OPA3: variants seen among roughly 807,000 people sequenced by gnomAD.
OPA3 encodes optic atrophy 3 protein.
In OPA3, 6 loss-of-function variants were observed where a neutral mutation model predicts 4.0. The ratio of observed to expected loss-of-function variants is 1.51; its 90% CI spans 0.83 to 2.99. The LOEUF (loss-of-function observed/expected upper bound fraction) is 2.99. Among genes scored for constraint, OPA3 ranks in the 30% most tolerant of loss-of-function variants. The pLI, the probability that OPA3 is intolerant of heterozygous loss-of-function variation, is 0.00. For synonymous variants in OPA3, 105 were observed against 117.1 expected, an observed-to-expected ratio of 0.90 and a Z score of 0.67; for missense variants, 235 against 256.2, an observed-to-expected ratio of 0.92 and a Z score of 0.56.
rs555830952 is a variant in OPA3, at chr19:45,549,759, C to A, written c.*3755G>T. 1 of 985,374 alleles carries A rather than the reference C, an allele frequency of 1.0e-6. No individual in the cohort carries two copies. The highest frequency in any genetic ancestry group is 5.2e-4 in the Middle Eastern group (1 of 1,918). The allele number at this position is 985,374 out of a possible 1,614,324, so 61.0% of individuals were successfully genotyped here. Reference sequence around the variant, plus strand: ...CCTCTCAAAGTGCTGGGATGACAGGCGTGAGCTGGCCTGGGTCACTCCCAG... The same window carrying A: ...CCTCTCAAAGTGCTGGGATGACAGGAGTGAGCTGGCCTGGGTCACTCCCAG... On this transcript the variant is annotated 3_prime_UTR_variant, in exon 2 of 2. Transcript: ENST00000263275.
intron 1 of OPA3, among the ~76,000 whole-genome samples, chr19:45,580,363 G>A (rs1363683582): frequency 6.9e-6 from 1 of 145,810 alleles, no homozygotes; most frequent in Non-Finnish European, 1.5e-5. Context: ...GCGTGATCTC[G>A]GCTCACTGCA....
chr19:45,563,771 G>T (rs1238227824), intron 1 of OPA3, among the ~76,000 whole-genome samples: 2 of 151,274 alleles, frequency 1.3e-5, no homozygotes, highest in Non-Finnish European at 2.9e-5. Context: ...GGCCAGGCTG[G>T]TCTCAAACTT....
At chr19:45,584,001 G>A (rs1366700654) in intron 1 of OPA3, among the ~76,000 whole-genome samples, 1 of 152,180 alleles carries the variant, frequency 6.6e-6, no homozygotes, top group Non-Finnish European at 1.5e-5. Context: ...ATGAAAGGAC[G>A]GCGTATGAGC....
chr19:45,575,560 C>T (rs781155784), intron 1 of OPA3, among the ~76,000 whole-genome samples: 8 of 152,114 alleles, frequency 5.3e-5, no homozygotes, highest in Non-Finnish European at 1.2e-4. Context: ...CTGTTTCCCA[C>T]GGCCACTATA....
At chr19:45,572,772 TATATCATACTATATATAGATATA>T (rs1969704049) in intron 1 of OPA3, among the ~76,000 whole-genome samples, 1 of 55,806 alleles carries the variant, frequency 1.8e-5, no homozygotes, top group East Asian at 3.1e-4. Flanking sequence ...TATATCTATA[TATATCATACTATATATAGATATA>T]TATATCATAC....
intron 1 of OPA3, among the ~76,000 whole-genome samples, chr19:45,537,396 C>CAAAAAAAAAAAAAAAAA (rs1181396046): frequency 1.0e-4 from 3 of 28,908 alleles, no homozygotes; most frequent in African/African-American, 1.6e-4. Flanking sequence ...GACTCTGTCT[C>CAAAAAAAAAAAAAAAAA]AAAAAAAAAA....
At chr19:45,533,755 TG>T (rs1396301767) in intron 1 of OPA3, among the ~76,000 whole-genome samples, 1 of 152,122 alleles carries the variant, frequency 6.6e-6, no homozygotes, top group Non-Finnish European at 1.5e-5. Flanking sequence ...TGGCCCTGGA[TG>T]GGCAGGGTCA....
chr19:45,548,361 G>C lies in OPA3; in HGVS notation c.*5153C>G. ...AGAGAAACCAACAAGAGGGACAGCA[G>C]GGCCTGCCAGGAGATGGGAGGGGCA... is the stretch of plus-strand genomic sequence containing the variant. On this transcript the variant is annotated 3_prime_UTR_variant, in exon 2 of 2. Transcript: ENST00000263275. The C allele has an allele frequency of 4.1e-6, 4 of 985,596 alleles. No homozygotes were observed. The highest frequency in any genetic ancestry group is 4.8e-6 in the Non-Finnish European group (4 of 830,036). The allele number at this position is 985,596 out of a possible 1,614,324, so 61.1% of individuals were successfully genotyped here.
chr19:45,546,462 T>C lies in OPA3; in HGVS notation c.*7052A>G, dbSNP rs961540237. On this transcript the variant is annotated 3_prime_UTR_variant, in exon 2 of 2. Coordinates refer to ENST00000263275, the MANE Select transcript of OPA3 (RefSeq NM_025136.4). ...TAAAATACATAGAATTGTAAATTAT[T>C]GTATAAATATGCACACGATGGATTA... The C allele has an allele frequency of 6.4e-6, 4 of 624,112 alleles. No individual in the cohort carries two copies. Among genetic ancestry groups the C allele is most frequent in the African/African-American group, 5.9e-5 (3 of 50,450 alleles). The allele number at this position is 624,112 out of a possible 1,614,324, so 38.7% of individuals were successfully genotyped here.
chr19:45,541,966 C>T (rs772571980), downstream of OPA3, among the ~76,000 whole-genome samples: 10 of 152,176 alleles, frequency 6.6e-5, no homozygotes, highest in Non-Finnish European at 1.3e-4. Flanking sequence ...GGGTGGTACC[C>T]ATGGTGCTGA....
chr19:45,580,049 T>C (rs1237334946), intron 1 of OPA3, among the ~76,000 whole-genome samples: 1 of 148,580 alleles, frequency 6.7e-6, no homozygotes, highest in Non-Finnish European at 1.5e-5. Context: ...CAGGCTGGAG[T>C]GTAGTGGCAC....
At chr19:45,556,606 C>T (rs1402546570) in intron 1 of OPA3, among the ~76,000 whole-genome samples, 4 of 152,160 alleles carry the variant, frequency 2.6e-5, no homozygotes, top group Non-Finnish European at 5.9e-5. Context: ...AATCATCCTG[C>T]CTCAGCCTCC....
Position 45,549,739 on chromosome 19 carries a change from C to CA in OPA3, c.*3774dup. The CA allele has an allele frequency of 1.0e-6, 1 of 985,134 alleles. No individual in the cohort carries two copies. The highest frequency in any genetic ancestry group is 1.2e-6 in the Non-Finnish European group (1 of 829,744). The allele number at this position is 985,134 out of a possible 1,614,324, so 61.0% of individuals were successfully genotyped here. A position where few individuals can be genotyped will look rare whatever the true frequency, so the allele number is the denominator to read the frequency against. ...ATGTGATCAGTCCACCTTGGCCTCT[C>CA]AAAGTGCTGGGATGACAGGCGTGAG... On this transcript the variant is annotated 3_prime_UTR_variant, in exon 2 of 2. Coordinates refer to ENST00000263275, the MANE Select transcript of OPA3 (RefSeq NM_025136.4).
chr19:45,578,828 A>AAAAAT (rs535854097), intron 1 of OPA3, among the ~76,000 whole-genome samples: 20 of 152,002 alleles, frequency 1.3e-4, no homozygotes, highest in South Asian at 4.1e-4. Flanking sequence ...CTCTGTCTCA[A>AAAAAT]AAAATAAAAT....
chr19:45,572,317 T>C (rs1447181411), intron 1 of OPA3, among the ~76,000 whole-genome samples: 1 of 133,056 alleles, frequency 7.5e-6, no homozygotes, highest in Non-Finnish European at 1.6e-5. Flanking sequence ...TCGACATATA[T>C]GAGATATATA....
chr19:45,543,433 G>T (rs1382097767), downstream of OPA3, among the ~76,000 whole-genome samples: 2 of 151,590 alleles, frequency 1.3e-5, no homozygotes, highest in Non-Finnish European at 2.9e-5. Context: ...TGATTCTCCT[G>T]CCTCAGCCCC....
At position 45,549,235 on chromosome 19, in the gene OPA3, A is replaced by G; in HGVS notation, c.*4279T>C. On this transcript the variant is annotated 3_prime_UTR_variant, in exon 2 of 2. Transcript: ENST00000263275. ...ATTCTAGCTAGCAGAACACACGAGC[A>G]GTGAACCATCCTCTGGCCTCTTGCA... is the stretch of plus-strand genomic sequence containing the variant. 2 of 985,460 alleles carry G rather than the reference A, an allele frequency of 2.0e-6. No individual in the cohort carries two copies. Among genetic ancestry groups the G allele is most frequent in the South Asian group, 4.7e-5 (1 of 21,292 alleles). The allele number at this position is 985,460 out of a possible 1,614,324, so 61.0% of individuals were successfully genotyped here.
At chr19:45,534,560 C>CA (rs71173177) in intron 1 of OPA3, among the ~76,000 whole-genome samples, 627 of 54,946 alleles carry the variant, frequency 0.011, 9 homozygotes, top group African/African-American at 0.027. Flanking sequence ...AACTCTGTCC[C>CA]AAAAAAAAAA....
At chr19:45,581,818 T>C (rs1008835149) in intron 1 of OPA3, among the ~76,000 whole-genome samples, 2 of 152,278 alleles carry the variant, frequency 1.3e-5, no homozygotes, top group Admixed American at 6.5e-5. Flanking sequence ...TGTTTGAGAT[T>C]GAGACAGTCT....
Sources: gnomAD v4.1 joint callset for allele counts (sites outside exome capture counted in the v4.1 genomes callset) on GRCh38, gnomAD v4.1.1 for gene constraint, MANE v1.5 for transcripts, NCBI Gene and HGNC (gene_info 2026-07-23, HGNC 2026-07-21) for gene names.